Variants in DNAH12 observed in about 807,000 individuals in gnomAD.
DNAH12 encodes dynein axonemal heavy chain 12.
In DNAH12, 285 loss-of-function variants were observed where a neutral mutation model predicts 371.5. The ratio of observed to expected loss-of-function variants is 0.77; its 90% CI spans 0.70 to 0.85. The LOEUF is 0.85. DNAH12 is among the 40% of genes least tolerant of loss of function. DNAH12 has a pLI of 0.00. For synonymous variants in DNAH12, 1,200 were observed against 1,213.0 expected (o/e 0.99, Z 0.22); for missense variants, 3,611 against 3,689.4 (o/e 0.98, Z 0.55).
At chr3:57,525,154 C>CAAAAAAAA (rs5849213) in intron 2 of DNAH12, among the ~76,000 whole-genome samples, 3 of 109,476 alleles carry the variant, frequency 2.7e-5, no homozygotes, top group African/African-American at 3.3e-5. Context: ...AGAGGAGAAA[C>CAAAAAAAA]AAAAAAAAAA....
At position 57,487,344 on chromosome 3, in the gene DNAH12, A is replaced by AGG. The variant is rs1442239219; in HGVS notation, c.1514+2164_1514+2165insCC. Among the ~76,000 whole-genome samples the AGG allele has an allele frequency of 2.7e-4, 32 of 119,430 alleles. No homozygotes were observed. In the South Asian group the frequency reaches 3.6e-3, roughly 13 times the overall value. 78.4% of individuals were successfully genotyped at this position (119,430 alleles called of 152,430 possible). A position where few individuals can be genotyped will look rare whatever the true frequency, so the allele number is the denominator to read the frequency against. On this transcript the variant is annotated intron_variant, in intron 12 of 73. Coordinates refer to ENST00000495027, the MANE Select transcript of DNAH12 (RefSeq NM_001366028.2). ...GAGAAAGGGAGGGAGGGAGGGAGGG[A>AGG]GAGAGAGAGAGAAAGAAAGAGAAAG...
intron 39 of DNAH12, among the ~76,000 whole-genome samples, chr3:57,411,052 A>G (rs1302335320): frequency 2.0e-5 from 3 of 152,140 alleles, no homozygotes; most frequent in South Asian, 2.1e-4. Flanking sequence ...CCGACTGGGA[A>G]GAAAGGAATG....
rs759021215 is a variant in DNAH12, at chr3:57,502,379, A to G, written c.1187T>C (p.Leu396Pro). ...EHVLHWAVDT[L>P]KAAVHRNLEG... Reference sequence around the variant, plus strand: ...TAAGTTCCGATGTACTGCTGCCTTCAGTGTATCAACAGCCCAGTGTAACAC... The same window carrying G: ...TAAGTTCCGATGTACTGCTGCCTTCGGTGTATCAACAGCCCAGTGTAACAC... Residue 396 changes from leucine (L) to proline (P), a missense_variant, in exon 10 of 74, where the codon CTG becomes CCG. Leu to Pro is a moderately conservative substitution (Grantham distance 98, BLOSUM62 -3). Transcript: ENST00000495027. 4.3e-6 allele frequency: 7 copies of G among 1,614,058 alleles called. No homozygotes were observed. In the South Asian group the frequency reaches 7.7e-5, roughly 18 times the overall value.
intron 11 of DNAH12, among the ~76,000 whole-genome samples, chr3:57,500,137 T>C (rs1057051799): frequency 7.6e-6 from 1 of 131,586 alleles, no homozygotes; most frequent in Non-Finnish European, 1.7e-5. Flanking sequence ...GCCTCCCAGG[T>C]TCAAGCGATC....
At chr3:57,432,709 C>T (rs939679253) in intron 32 of DNAH12, among the ~76,000 whole-genome samples, 2 of 151,930 alleles carry the variant, frequency 1.3e-5, no homozygotes, top group Non-Finnish European at 2.9e-5. Context: ...GCTGGCAAAA[C>T]TAATTCATCA....
chr3:57,499,647 A>AAAAAAAAAAAAAT (rs1451248906), intron 11 of DNAH12, among the ~76,000 whole-genome samples: 4 of 17,944 alleles, frequency 2.2e-4, no homozygotes, highest in African/African-American at 4.2e-4. Context: ...AAAAAAAAAA[A>AAAAAAAAAAAAAT]ATATATATAT....
intron 2 of DNAH12, among the ~76,000 whole-genome samples, chr3:57,541,190 C>A (rs966986175): frequency 6.6e-6 from 1 of 151,816 alleles, no homozygotes; most frequent in African/African-American, 2.4e-5. Flanking sequence ...CAGGCACCTG[C>A]CACCACGCCA....
At chr3:57,365,612 A>C (rs1353652252) in intron 57 of DNAH12, among the ~76,000 whole-genome samples, 1 of 152,172 alleles carries the variant, frequency 6.6e-6, no homozygotes, top group South Asian at 2.1e-4. Context: ...CTGGAACTTA[A>C]AATAAAAATA....
At chr3:57,547,928 C>A (rs2069591458), upstream of DNAH12, among the ~76,000 whole-genome samples, 1 of 152,144 alleles carries the variant, frequency 6.6e-6, no homozygotes, top group African/African-American at 2.4e-5. Flanking sequence ...ACTTTTTATC[C>A]TTCTCATAAA....
intron 13 of DNAH12, among the ~76,000 whole-genome samples, chr3:57,477,348 A>G (rs1189432571): frequency 6.6e-6 from 1 of 152,210 alleles, no homozygotes; most frequent in Non-Finnish European, 1.5e-5. Context: ...GTCTGATATC[A>G]AACTGCAAGG....
intron 69 of DNAH12, among the ~76,000 whole-genome samples, chr3:57,308,809 CT>C (rs2061525562): frequency 6.6e-6 from 1 of 152,186 alleles, no homozygotes; most frequent in South Asian, 2.1e-4. Context: ...ATTCTTAGTC[CT>C]TTAATACCTG....
rs2063090928 is a variant in DNAH12, at chr3:57,368,107, A to G, written c.8913T>C (p.Asn2971=). 1 of 152,332 alleles carries G rather than the reference A, an allele frequency of 6.6e-6. No homozygotes were observed. Among genetic ancestry groups the G allele is most frequent in the African/African-American group, 2.4e-5 (1 of 41,582 alleles). 9.4% of individuals were successfully genotyped at this position (152,332 alleles called of 1,614,324 possible). Residue 2971 remains asparagine (N), a synonymous_variant, in exon 56 of 74, where the codon AAT becomes AAC. Transcript: ENST00000495027. ...IQFGTPLLLE[N]VGEELDPSLE... ...AAGATGGATCCAGTTCTTCACCAACATTTTCTAATAGAAGTGGAGTTCCAA... is the reference window on the plus strand; with the variant it reads ...AAGATGGATCCAGTTCTTCACCAACGTTTTCTAATAGAAGTGGAGTTCCAA...
At chr3:57,491,296 G>T (rs2067117766) in intron 11 of DNAH12, among the ~76,000 whole-genome samples, 2 of 151,974 alleles carry the variant, frequency 1.3e-5, no homozygotes, top group Admixed American at 6.6e-5. Flanking sequence ...AGGAAAGCAA[G>T]AAATGTCAGG....
At chr3:57,405,223 C>T in intron 41 of DNAH12, 76 bp from the exon 42 acceptor site, 2 of 1,306,668 alleles carry the variant, frequency 1.5e-6, no homozygotes, top group South Asian at 1.5e-5. Flanking sequence ...ATTTTTGTTT[C>T]ATCCATGTTA....
At chr3:57,354,477 T>C (rs1349852487) in intron 59 of DNAH12, among the ~76,000 whole-genome samples, 12 of 149,376 alleles carry the variant, frequency 8.0e-5, no homozygotes, top group African/African-American at 2.7e-4. Flanking sequence ...AACCTGCACA[T>C]GTACCCCTGA....
chr3:57,487,095 A>G (rs2066944358), intron 12 of DNAH12, among the ~76,000 whole-genome samples: 1 of 152,108 alleles, frequency 6.6e-6, no homozygotes, highest in South Asian at 2.1e-4. Flanking sequence ...GTGAGCAGGA[A>G]TCAGATCATG....
At chr3:57,325,001 G>A (rs556844561) in intron 62 of DNAH12, among the ~76,000 whole-genome samples, 51 of 152,334 alleles carry the variant, frequency 3.3e-4, no homozygotes, top group Admixed American at 1.6e-3. Context: ...ACTGCAAGGC[G>A]GCAGCGAGGC....
At chr3:57,484,141 G>A (rs571380852) in intron 12 of DNAH12, among the ~76,000 whole-genome samples, 5 of 151,880 alleles carry the variant, frequency 3.3e-5, no homozygotes, top group African/African-American at 9.7e-5. Flanking sequence ...ATACAACAAT[G>A]AATGCAAAGG....
intron 2 of DNAH12, among the ~76,000 whole-genome samples, chr3:57,538,318 T>TGATTAGTGAGATTATAAACAGGCCGGG (rs370552913): frequency 1.3e-5 from 2 of 151,482 alleles, no homozygotes; most frequent in South Asian, 2.1e-4. Flanking sequence ...AATCTCAGTA[T>TGATTAGTGAGATTATAAACAGGCCGGG]TAATACAGCA....
Sources: allele counts gnomAD v4.1 joint callset (sites outside exome capture counted in the v4.1 genomes callset), GRCh38; gene constraint gnomAD v4.1.1; transcripts MANE v1.5; gene names NCBI Gene and HGNC (gene_info 2026-07-23, HGNC 2026-07-21).